Variants in TXNL4A observed in about 807,000 individuals in gnomAD.
TXNL4A encodes thioredoxin-like protein 4A.
A neutral mutation model predicts 14.6 loss-of-function variants in TXNL4A; 17 were observed. The observed-to-expected ratio is 1.16, with a 90% CI of 0.80 to 1.74. The LOEUF (loss-of-function observed/expected upper bound fraction) is 1.74, where lower values mean the gene tolerates loss of function less well. Ranked by LOEUF, TXNL4A falls within the 40% of genes most tolerant of loss-of-function variation. TXNL4A has a pLI of 0.00. For missense variants in TXNL4A, 74 were observed against 195.2 expected (o/e 0.38, Z 3.70); for synonymous variants, 83 against 70.6 (o/e 1.18, Z -0.88).
intron 1 of TXNL4A, among the ~76,000 whole-genome samples, chr18:80,033,481 C>T (rs544550630): frequency 6.6e-6 from 1 of 152,234 alleles, no homozygotes; most frequent in Non-Finnish European, 1.5e-5. Context: ...GGGGAGGACG[C>T]CCAATCTGGG....
chr18:80,004,089 A>G (rs923473201), intron 1 of TXNL4A, among the ~76,000 whole-genome samples: 5 of 151,588 alleles, frequency 3.3e-5, no homozygotes, highest in Middle Eastern at 6.8e-3. Context: ...TTATCCTCCC[A>G]TATTTCTGGG....
chr18:80,000,057 G>T (rs147519840), intron 1 of TXNL4A, among the ~76,000 whole-genome samples: 36 of 152,290 alleles, frequency 2.4e-4, no homozygotes, highest in South Asian at 4.2e-4. Context: ...TCTTGGGTGT[G>T]TCTTCATCAG....
At chr18:79,992,594 C>T (rs947436953), upstream of TXNL4A, among the ~76,000 whole-genome samples, 7 of 152,076 alleles carry the variant, frequency 4.6e-5, no homozygotes, top group African/African-American at 1.4e-4. Context: ...CCTTTTGGTT[C>T]CTAAATAAGA....
chr18:80,026,017 T>C (rs1435575132), intron 1 of TXNL4A, among the ~76,000 whole-genome samples: 6 of 152,202 alleles, frequency 3.9e-5, no homozygotes, highest in Non-Finnish European at 8.8e-5. Context: ...ATTTCACACA[T>C]CTTGATATAA....
At chr18:79,981,314 G>A (rs1323891695) in intron 1 of TXNL4A, among the ~76,000 whole-genome samples, 2 of 152,160 alleles carry the variant, frequency 1.3e-5, no homozygotes, top group Non-Finnish European at 2.9e-5. Context: ...CCCTTTTCTT[G>A]CACGTAAAAA....
chr18:80,022,013 T>G (rs1032687970), intron 1 of TXNL4A, among the ~76,000 whole-genome samples: 1 of 150,838 alleles, frequency 6.6e-6, no homozygotes, highest in African/African-American at 2.4e-5. Context: ...TGCAATAGGG[T>G]TTGGCTTAGA....
intron 1 of TXNL4A, among the ~76,000 whole-genome samples, chr18:80,003,525 T>A (rs2051710599): frequency 6.6e-6 from 1 of 152,266 alleles, no homozygotes; most frequent in Non-Finnish European, 1.5e-5. Context: ...TTTCCTTGTC[T>A]CTTCAGTTAT....
chr18:80,032,126 TTC>T (rs1184279459), intron 1 of TXNL4A, among the ~76,000 whole-genome samples: 2 of 152,126 alleles, frequency 1.3e-5, no homozygotes, highest in Admixed American at 1.3e-4. Flanking sequence ...CTATACATTT[TTC>T]TTTTTTTCCT....
intron 1 of TXNL4A, among the ~76,000 whole-genome samples, chr18:80,029,471 A>C (rs1225362368): frequency 1.3e-5 from 2 of 152,232 alleles, no homozygotes; most frequent in Non-Finnish European, 2.9e-5. Flanking sequence ...CAGGCAAGCC[A>C]CAGCCATGGC....
intron 1 of TXNL4A, 27 bp downstream of exon 1, chr18:79,988,213 G>A (rs750055522): frequency 1.1e-5 from 16 of 1,489,608 alleles, no homozygotes; most frequent in East Asian, 2.5e-5. Flanking sequence ...AGCACAGCCC[G>A]CAGAGCGGGA....
At chr18:80,026,980 G>A (rs894833054) in intron 1 of TXNL4A, among the ~76,000 whole-genome samples, 6 of 152,082 alleles carry the variant, frequency 3.9e-5, no homozygotes, top group African/African-American at 7.2e-5. Flanking sequence ...GAAATATTAG[G>A]GGAGAAGAGA....
Position 79,988,387 on chromosome 18 carries a change from C to T in TXNL4A, c.6G>A (p.Ser2=). ...CGTTGTGCAGGTGCGGGAGCATGTACGACATGGCGGCCCGCGCGCTCGCCG... is the reference window on the plus strand; with the variant it reads ...CGTTGTGCAGGTGCGGGAGCATGTATGACATGGCGGCCCGCGCGCTCGCCG... The part of the protein sequence containing the change: M[S]YMLPHLHNGW... The change falls in exon 1 of 3, where the codon TCG becomes TCA. Residue 2 remains serine, a synonymous_variant. Coordinates refer to ENST00000269601, the MANE Select transcript of TXNL4A (RefSeq NM_006701.5). The T allele has an allele frequency of 1.3e-6, 2 of 1,486,472 alleles. No homozygotes were observed. The highest frequency in any genetic ancestry group is 1.4e-5 in the African/African-American group (1 of 70,292). The allele number at this position is 1,486,472 out of a possible 1,614,324, so 92.1% of individuals were successfully genotyped here. A position where few individuals can be genotyped will look rare whatever the true frequency, so the allele number is the denominator to read the frequency against.
chr18:79,983,587 G>C (rs2051497026), intron 1 of TXNL4A, among the ~76,000 whole-genome samples: 1 of 152,170 alleles, frequency 6.6e-6, no homozygotes, highest in Admixed American at 6.5e-5. Context: ...GTTCTGGGCA[G>C]TTGATTAGCA....
chr18:80,009,929 T>G (rs752413566), intron 1 of TXNL4A, among the ~76,000 whole-genome samples: 1 of 152,166 alleles, frequency 6.6e-6, no homozygotes, highest in Non-Finnish European at 1.5e-5. Flanking sequence ...CCAGTTAAAC[T>G]TCACCATTTT....
At chr18:79,984,750 A>G (rs1260109416) in intron 1 of TXNL4A, among the ~76,000 whole-genome samples, 1 of 152,170 alleles carries the variant, frequency 6.6e-6, no homozygotes, top group African/African-American at 2.4e-5. Flanking sequence ...GTGGGGTTAC[A>G]GGCACATGCT....
At chr18:80,004,592 A>G (rs1277718960) in intron 1 of TXNL4A, among the ~76,000 whole-genome samples, 1 of 152,144 alleles carries the variant, frequency 6.6e-6, no homozygotes, top group African/African-American at 2.4e-5. Flanking sequence ...AGTAAGTGCC[A>G]GGCCCTCGGC....
At chr18:79,989,775 G>A (rs551009025), upstream of TXNL4A, among the ~76,000 whole-genome samples, 3 of 152,006 alleles carry the variant, frequency 2.0e-5, no homozygotes, top group Non-Finnish European at 4.4e-5. Context: ...CCGGCGGATC[G>A]CCTATGGTCG....
intron 1 of TXNL4A, among the ~76,000 whole-genome samples, chr18:80,016,897 A>C (rs1355171708): frequency 5.3e-5 from 8 of 152,024 alleles, no homozygotes; most frequent in East Asian, 3.9e-4. Flanking sequence ...CAATTCTGTG[A>C]AGAAAGTCAT....
Position 79,973,776 on chromosome 18 carries a change from A to AC in TXNL4A, c.337dup (p.Val113GlyfsTer73). On this transcript the variant is annotated frameshift_variant, in exon 3 of 3. Coordinates refer to ENST00000269601, the MANE Select transcript of TXNL4A (RefSeq NM_006701.5). LOFTEE classifies it high-confidence loss of function. ...GCGGTACACCGTCTCGATGATGTCC[A>AC]CCATCTCCTGCTTGTCCTCCATGGC... is the stretch of plus-strand genomic sequence containing the variant. 6.2e-7 allele frequency: 1 copy of AC among 1,614,174 alleles called. No homozygotes were observed. The highest frequency in any genetic ancestry group is 8.5e-7 in the Non-Finnish European group (1 of 1,180,034).
Sources: allele counts gnomAD v4.1 joint callset (sites outside exome capture counted in the v4.1 genomes callset), GRCh38; gene constraint gnomAD v4.1.1; transcripts MANE v1.5; gene names NCBI Gene and HGNC (gene_info 2026-07-23, HGNC 2026-07-21).